MAGI1: variants seen among roughly 807,000 people sequenced by gnomAD.
MAGI1 encodes the protein membrane associated guanylate kinase, WW and PDZ domain containing 1.
A neutral mutation model predicts 139.9 loss-of-function variants in MAGI1; 58 were observed. The ratio of observed to expected loss-of-function variants is 0.41; its 90% CI spans 0.34 to 0.52. MAGI1 has a LOEUF of 0.52. MAGI1 is among the 20% of genes least tolerant of loss of function. The pLI is 0.12. For missense variants in MAGI1, 1,874 were observed against 1,901.6 expected (o/e 0.99, Z 0.27); for synonymous variants, 812 against 737.9 (o/e 1.10, Z -1.63).
In MAGI1 at chr3:65,448,295, T is replaced by C. The variant is rs1235698277; in HGVS notation, c.1043-238A>G. On this transcript the variant is annotated intron_variant, in intron 6 of 22. Transcript: ENST00000402939. ...TAATTACATGGCTCATTTCCTTGCA[T>C]GTCAAAATAGGATTTGATTGGTTGT... 73 of 586,380 alleles carry C rather than the reference T, an allele frequency of 1.2e-4. 2 individuals carry two copies. The highest frequency in any genetic ancestry group is 8.2e-4 in the South Asian group (40 of 48,716). 36.3% of individuals were successfully genotyped at this position (586,380 alleles called of 1,614,324 possible). A position where few individuals can be genotyped will look rare whatever the true frequency, so the allele number is the denominator to read the frequency against.
At chr3:65,965,992 C>G in intron 1 of MAGI1, among the ~76,000 whole-genome samples, 1 of 152,162 alleles carries the variant, frequency 6.6e-6, no homozygotes, top group Admixed American at 6.5e-5. Context: ...TGGGTTACTT[C>G]TCAGAGATAG....
chr3:65,493,920 TA>T (rs1392553975), intron 2 of MAGI1, among the ~76,000 whole-genome samples: 1 of 152,120 alleles, frequency 6.6e-6, no homozygotes. Context: ...ATGCACTGAA[TA>T]AAAAAGGTGA....
chr3:65,621,104 T>C (rs1043760290), intron 2 of MAGI1, among the ~76,000 whole-genome samples: 1 of 152,182 alleles, frequency 6.6e-6, no homozygotes, highest in African/African-American at 2.4e-5. Context: ...TCCTTTCTTT[T>C]GCTGGTTCAA....
At position 65,810,650 on chromosome 3, in the gene MAGI1, G is replaced by A. The variant is rs370476363; in HGVS notation, c.314-188562C>T. 3.7e-4 allele frequency among the ~76,000 whole-genome samples: 57 copies of A among 152,282 alleles called. 1 individual carries two copies. The South Asian group carries it at 0.011, about 30-fold the overall frequency. ...TCAGGAATGGTGGGAGTCTATCGCC[G>A]GGGAAGATGATGGCAGCTCTCCCTT... is the stretch of plus-strand genomic sequence containing the variant. On this transcript the variant is annotated intron_variant, in intron 1 of 22. Coordinates refer to ENST00000402939, the MANE Select transcript of MAGI1 (RefSeq NM_001033057.2).
At chr3:65,444,557 C>CG (rs1313486015) in intron 7 of MAGI1, among the ~76,000 whole-genome samples, 1 of 152,104 alleles carries the variant, frequency 6.6e-6, no homozygotes, top group Non-Finnish European at 1.5e-5. Context: ...TTTTAAGTTA[C>CG]TCAGTTATTA....
rs1044426203 is a variant in MAGI1 at position 65,440,159 on chromosome 3, A to G, written c.1137-147T>C. 4.4e-6 allele frequency: 4 copies of G among 904,332 alleles called. No individual in the cohort carries two copies. The Admixed American group carries it at 9.7e-5, about 22-fold the overall frequency. 56.0% of individuals were successfully genotyped at this position (904,332 alleles called of 1,614,324 possible). ...TGTGTTAAAATGCTCAGTTAGAAAG[A>G]GGAAATAAAAATGAAGTTTCCATTA... On this transcript the variant is annotated intron_variant, in intron 8 of 22. Transcript: ENST00000402939.
chr3:65,436,832 C>A (rs1393577053), intron 10 of MAGI1, among the ~76,000 whole-genome samples: 1 of 151,860 alleles, frequency 6.6e-6, no homozygotes, highest in Non-Finnish European at 1.5e-5. Context: ...TCTCACAATG[C>A]CCAGGACAAA....
intron 1 of MAGI1, among the ~76,000 whole-genome samples, chr3:65,783,632 C>G (rs2039119869): frequency 6.6e-6 from 1 of 151,884 alleles, no homozygotes; most frequent in Non-Finnish European, 1.5e-5. Context: ...GTGGCTGGGA[C>G]TTCAGGCGTG....
intron 16 of MAGI1, among the ~76,000 whole-genome samples, chr3:65,380,495 A>T (rs1403991965): frequency 1.3e-5 from 2 of 152,182 alleles, no homozygotes; most frequent in Non-Finnish European, 2.9e-5. Context: ...TGTACTCATT[A>T]AAAACTAATT....
intron 2 of MAGI1, among the ~76,000 whole-genome samples, chr3:65,535,351 G>A (rs1241413655): frequency 6.6e-6 from 1 of 152,180 alleles, no homozygotes; most frequent in Non-Finnish European, 1.5e-5. Context: ...AAGAAGGCAG[G>A]TGAACTAAAT....
intron 1 of MAGI1, among the ~76,000 whole-genome samples, chr3:65,916,204 T>C (rs539490125): frequency 6.6e-6 from 1 of 152,162 alleles, no homozygotes; most frequent in East Asian, 1.9e-4. Context: ...GAAGCTGGGA[T>C]TGCAGGCACA....
chr3:65,867,472 C>T (rs576628338), intron 1 of MAGI1, among the ~76,000 whole-genome samples: 3 of 152,258 alleles, frequency 2.0e-5, no homozygotes, highest in East Asian at 3.9e-4. Context: ...TGGTGGCTCA[C>T]GCCTGTAATC....
Position 65,910,800 on chromosome 3 carries a change from C to G in MAGI1, c.313+127196G>C, listed in dbSNP as rs374927342. 2.7e-5 allele frequency among the ~76,000 whole-genome samples: 4 copies of G among 148,400 alleles called. No individual in the cohort carries two copies. In the East Asian group the frequency reaches 6.0e-4, roughly 22 times the overall value. On this transcript the variant is annotated intron_variant, in intron 1 of 22. Transcript: ENST00000402939. The stretch of plus-strand genomic sequence containing the variant: ...TAGTAGTTAAATCTCTGCTCATCAC[C>G]TATCCAACACAGTAGATGGGTGTCT...
intron 6 of MAGI1, among the ~76,000 whole-genome samples, chr3:65,448,537 AT>A (rs1948814906): frequency 6.6e-6 from 1 of 152,174 alleles, no homozygotes; most frequent in African/African-American, 2.4e-5. Flanking sequence ...GTGAGGTCAA[AT>A]TGAAAGTGCA....
intron 1 of MAGI1, among the ~76,000 whole-genome samples, chr3:65,753,109 T>TA (rs1468389696): frequency 2.0e-5 from 3 of 152,114 alleles, no homozygotes; most frequent in South Asian, 4.2e-4. Context: ...AGGAGGAACT[T>TA]ACGTCATAGT....
At chr3:65,569,500 T>C (rs764698519) in intron 2 of MAGI1, among the ~76,000 whole-genome samples, 2 of 152,180 alleles carry the variant, frequency 1.3e-5, no homozygotes, top group African/African-American at 2.4e-5. Context: ...CAAATGAATA[T>C]GTGTGCACTG....
chr3:65,526,073 C>A (rs2078363724), intron 2 of MAGI1, among the ~76,000 whole-genome samples: 1 of 152,140 alleles, frequency 6.6e-6, no homozygotes. Context: ...ATGGTAAATT[C>A]TCCACTTCTA....
intron 2 of MAGI1, among the ~76,000 whole-genome samples, chr3:65,595,942 T>C (rs1424139243): frequency 6.6e-6 from 1 of 152,120 alleles, no homozygotes; most frequent in Non-Finnish European, 1.5e-5. Context: ...ACTGCTTCTG[T>C]TTGCTCAGTT....
At position 65,531,068 on chromosome 3, in the gene MAGI1, C is replaced by T. The variant is rs187679758; in HGVS notation, c.431-37437G>A. ...GTGTAATGCTTAACAAAGTGCCTGG[C>T]CCACAGATTAATGGTACTGCTTACC... On this transcript the variant is annotated intron_variant, in intron 2 of 22. Transcript: ENST00000402939. 1.2e-3 allele frequency among the ~76,000 whole-genome samples: 188 copies of T among 151,720 alleles called. 1 individual carries two copies. The highest frequency in any genetic ancestry group is 6.8e-3 in the Middle Eastern group (2 of 294).
Sources: allele counts gnomAD v4.1 joint callset (sites outside exome capture counted in the v4.1 genomes callset), GRCh38; gene constraint gnomAD v4.1.1; transcripts MANE v1.5; gene names NCBI Gene and HGNC (gene_info 2026-07-23, HGNC 2026-07-21).